The following ZC2HC1A variants were observed in gnomAD, a reference collection of about 807,000 sequenced individuals.
The protein encoded by ZC2HC1A is zinc finger C2HC domain-containing protein 1A.
In ZC2HC1A, 28 loss-of-function variants were observed where a neutral mutation model predicts 40.7. The observed-to-expected ratio is 0.69, with a 90% CI of 0.51 to 0.94. The LOEUF (loss-of-function observed/expected upper bound fraction) is 0.94, where lower values mean the gene tolerates loss of function less well. ZC2HC1A is among the 40% of genes least tolerant of loss of function. The pLI is 0.00. For synonymous variants in ZC2HC1A, 129 were observed against 129.2 expected, an observed-to-expected ratio of 1.00 and a Z score of 0.01; for missense variants, 389 against 386.3, an observed-to-expected ratio of 1.01 and a Z score of -0.06.
Position 78,718,053 on chromosome 8 carries a change from A to T in ZC2HC1A, c.*560A>T, listed in dbSNP as rs1811161527. ...CATAAATCCGAAAAACTAAGAGAAA[A>T]AAAAACCCCTCTATTAGTTACGTAA... On this transcript the variant is annotated 3_prime_UTR_variant, in exon 9 of 9. Coordinates refer to ENST00000263849, the MANE Select transcript of ZC2HC1A (RefSeq NM_016010.3). 1 of 152,074 alleles carries T rather than the reference A, an allele frequency of 6.6e-6. No individual in the cohort carries two copies. The highest frequency in any genetic ancestry group is 2.1e-4 in the South Asian group (1 of 4,834). 9.4% of individuals were successfully genotyped at this position (152,074 alleles called of 1,614,324 possible).
At chr8:78,696,426 G>T (rs547316117) in intron 5 of ZC2HC1A, among the ~76,000 whole-genome samples, 1 of 152,290 alleles carries the variant, frequency 6.6e-6, no homozygotes, top group Admixed American at 6.5e-5. Flanking sequence ...TATGGTTGAA[G>T]CATTGGGCTA....
intron 6 of ZC2HC1A, among the ~76,000 whole-genome samples, chr8:78,697,902 T>C (rs937692861): frequency 6.6e-6 from 1 of 152,080 alleles, no homozygotes; most frequent in African/African-American, 2.4e-5. Context: ...ATAATCTCTA[T>C]CTCCTGAACT....
intron 1 of ZC2HC1A, among the ~76,000 whole-genome samples, chr8:78,666,546 G>A (rs746281771): frequency 6.6e-6 from 1 of 152,136 alleles, no homozygotes; most frequent in South Asian, 2.1e-4. Flanking sequence ...ATTGTCCACG[G>A]CCTTAACACC....
intron 3 of ZC2HC1A, 182 bp downstream of exon 3, chr8:78,678,861 T>A: frequency 5.3e-6 from 2 of 380,412 alleles, no homozygotes; most frequent in Non-Finnish European, 9.1e-6. Flanking sequence ...ATAAAACAAA[T>A]TTTATTTTAA....
chr8:78,678,992 A>G (rs1196336795), intron 3 of ZC2HC1A: 3 of 172,422 alleles, frequency 1.7e-5, no homozygotes, highest in Non-Finnish European at 3.7e-5. Context: ...TCAAGTCATT[A>G]TTAAAAACTT....
intron 1 of ZC2HC1A, among the ~76,000 whole-genome samples, 165 bp downstream of exon 1, chr8:78,666,329 C>G (rs1809296218): frequency 6.6e-6 from 1 of 152,192 alleles, no homozygotes; most frequent in African/African-American, 2.4e-5. Context: ...GGACAGTCCC[C>G]GATGCGGTGG....
At chr8:78,695,356 A>G (rs984364990) in intron 5 of ZC2HC1A, among the ~76,000 whole-genome samples, 5 of 152,314 alleles carry the variant, frequency 3.3e-5, no homozygotes, top group Non-Finnish European at 5.9e-5. Flanking sequence ...TTCCTATTAT[A>G]TACATAAAAA....
chr8:78,686,678 C>T, intron 4 of ZC2HC1A, 70 bp downstream of exon 4: 1 of 1,364,086 alleles, frequency 7.3e-7, no homozygotes, highest in Non-Finnish European at 9.5e-7. Context: ...TATAAATTTT[C>T]ACTTGTTAAG....
rs1810131383 is a variant in ZC2HC1A at position 78,689,353 on chromosome 8, C to T, written c.484C>T (p.Pro162Ser). 1 of 1,595,762 alleles carries T rather than the reference C, an allele frequency of 6.3e-7. No individual in the cohort carries two copies. The highest frequency in any genetic ancestry group is 1.8e-5 in the Admixed American group (1 of 57,004). ...ATTTTCTACAGATACCAAAGGAAAA[C>T]CAACTTCTCGGACACAGGTGGTAAG... is the stretch of plus-strand genomic sequence containing the variant. The part of the protein sequence containing the change: ...GKFSTDTKGK[P>S]TSRTQVYKPP... The change falls in exon 5 of 9, where the codon CCA becomes TCA. Residue 162 changes from proline (P) to serine (S), a missense_variant. By Grantham distance (74) the Pro-to-Ser change is moderately conservative. Coordinates refer to ENST00000263849, the MANE Select transcript of ZC2HC1A (RefSeq NM_016010.3).
At chr8:78,697,267 C>CATCACCAT in intron 5 of ZC2HC1A, 140 bp from the exon 6 acceptor site, 1 of 634,196 alleles carries the variant, frequency 1.6e-6, no homozygotes, top group South Asian at 2.3e-5. Flanking sequence ...GTGCAACCAT[C>CATCACCAT]ATCACCATTC....
intron 5 of ZC2HC1A, among the ~76,000 whole-genome samples, chr8:78,690,252 G>A (rs1013577604): frequency 6.6e-6 from 1 of 152,068 alleles, no homozygotes; most frequent in Non-Finnish European, 1.5e-5. Flanking sequence ...TTTCCTACTT[G>A]AATTCCTTTT....
intron 5 of ZC2HC1A, among the ~76,000 whole-genome samples, chr8:78,691,192 G>A (rs1348098032): frequency 6.6e-6 from 1 of 152,078 alleles, no homozygotes; most frequent in Non-Finnish European, 1.5e-5. Context: ...TGTGTATGAT[G>A]TTCCATCAAT....
chr8:78,710,293 A>G (rs535220631), intron 7 of ZC2HC1A, among the ~76,000 whole-genome samples: 17 of 152,298 alleles, frequency 1.1e-4, no homozygotes, highest in African/African-American at 3.8e-4. Context: ...ATGTACATAT[A>G]TATATATGCA....
rs953821218 is a variant in ZC2HC1A, at chr8:78,699,205, C to A, written c.704+692C>A. Among the ~76,000 whole-genome samples the A allele has an allele frequency of 2.6e-5, 4 of 151,790 alleles. No individual in the cohort carries two copies. The South Asian group carries it at 8.3e-4, about 32-fold the overall frequency. ...GTGGGGTGATTCTCTTAATTTAATC[C>A]TTTTTTATATTTTTCTACTGTTATA... is the stretch of plus-strand genomic sequence containing the variant. On this transcript the variant is annotated intron_variant, in intron 7 of 8. Transcript: ENST00000263849.
At chr8:78,678,140 A>G (rs764022237) in intron 2 of ZC2HC1A, among the ~76,000 whole-genome samples, 29 of 152,004 alleles carry the variant, frequency 1.9e-4, no homozygotes, top group Non-Finnish European at 4.0e-4. Flanking sequence ...TATGATCTGT[A>G]TTTTGTGCTG....
intron 1 of ZC2HC1A, among the ~76,000 whole-genome samples, chr8:78,674,973 T>C (rs187556595): frequency 6.6e-6 from 1 of 152,192 alleles, no homozygotes; most frequent in Admixed American, 6.5e-5. Context: ...TAGGAAATTA[T>C]AGCTATGAAA....
At chr8:78,672,866 G>A (rs560083569) in intron 1 of ZC2HC1A, among the ~76,000 whole-genome samples, 20 of 151,836 alleles carry the variant, frequency 1.3e-4, no homozygotes, top group African/African-American at 4.3e-4. Context: ...ATAATGTGAA[G>A]TTTCACAATT....
At chr8:78,683,693 C>T (rs1272948403) in intron 3 of ZC2HC1A, among the ~76,000 whole-genome samples, 2 of 152,144 alleles carry the variant, frequency 1.3e-5, no homozygotes, top group African/African-American at 4.8e-5. Flanking sequence ...TTACTTGTTA[C>T]TCATGCAAAT....
At chr8:78,669,813 C>T (rs1809390693) in intron 1 of ZC2HC1A, among the ~76,000 whole-genome samples, 1 of 151,918 alleles carries the variant, frequency 6.6e-6, no homozygotes, top group Non-Finnish European at 1.5e-5. Context: ...TTCATTTTTT[C>T]CCTGTTAGAT....
Sources: gnomAD v4.1 joint callset for allele counts (sites outside exome capture counted in the v4.1 genomes callset) on GRCh38, gnomAD v4.1.1 for gene constraint, MANE v1.5 for transcripts, NCBI Gene and HGNC (gene_info 2026-07-23, HGNC 2026-07-21) for gene names.